CHST3: variants seen among roughly 807,000 people sequenced by gnomAD.
The protein encoded by CHST3 is C6ST-1.
A neutral mutation model predicts 35.4 loss-of-function variants in CHST3; 20 were observed. The observed-to-expected ratio is 0.57, with a 90% confidence interval of 0.40 to 0.82. CHST3 has a LOEUF of 0.82. Among genes scored for constraint, CHST3 ranks in the 40% least tolerant of loss-of-function variants. The pLI, the probability that CHST3 is intolerant of heterozygous loss-of-function variation, is 0.00. For missense variants in CHST3, 693 were observed against 670.1 expected (o/e 1.03, Z -0.38); for synonymous variants, 334 against 295.9 (o/e 1.13, Z -1.32).
At chr10:71,974,957 C>A (rs950787722) in intron 1 of CHST3, among the ~76,000 whole-genome samples, 43 of 152,220 alleles carry the variant, frequency 2.8e-4, no homozygotes, top group African/African-American at 6.3e-4. Context: ...AGAAGGGCTT[C>A]CATGCCAAGC....
chr10:72,012,275 T>C lies in CHST3; in HGVS notation c.*3804T>C, dbSNP rs570170171. The C allele has an allele frequency of 6.6e-6, 1 of 152,208 alleles. No individual in the cohort carries two copies. The highest frequency in any genetic ancestry group is 6.6e-5 in the Admixed American group (1 of 15,258). The allele number at this position is 152,208 out of a possible 1,614,324, so 9.4% of individuals were successfully genotyped here. Reference sequence around the variant, plus strand: ...CAGGAGGTCCTTCCCAGAAGGTTGATTCTTGGCCTGGGTGGTAGAGGAGAT... The same window carrying C: ...CAGGAGGTCCTTCCCAGAAGGTTGACTCTTGGCCTGGGTGGTAGAGGAGAT... On this transcript the variant is annotated 3_prime_UTR_variant, in exon 3 of 3. Coordinates refer to ENST00000373115, the MANE Select transcript of CHST3 (RefSeq NM_004273.5).
chr10:71,985,650 G>A (rs1157851177), intron 1 of CHST3, among the ~76,000 whole-genome samples: 1 of 152,164 alleles, frequency 6.6e-6, no homozygotes, highest in Non-Finnish European at 1.5e-5. Flanking sequence ...TGTTGTGGGA[G>A]CTAGTTTTCT....
intron 1 of CHST3, among the ~76,000 whole-genome samples, chr10:71,967,636 C>T (rs532624139): frequency 6.6e-6 from 1 of 152,236 alleles, no homozygotes; most frequent in African/African-American, 2.4e-5. Flanking sequence ...GATAAACATA[C>T]GTGTGCATGT....
intron 1 of CHST3, among the ~76,000 whole-genome samples, chr10:71,985,022 G>T (rs918485369): frequency 6.6e-6 from 1 of 152,164 alleles, no homozygotes; most frequent in Non-Finnish European, 1.5e-5. Flanking sequence ...CCTTCCTGCC[G>T]CAGAATTGCC....
intron 1 of CHST3, among the ~76,000 whole-genome samples, chr10:71,996,412 T>C (rs1274148449): frequency 6.9e-6 from 1 of 144,698 alleles, no homozygotes; most frequent in Non-Finnish European, 1.5e-5. Context: ...TCCCTCTCTC[T>C]GTCTCTCTAC....
At chr10:71,989,529 C>G (rs776537057) in intron 1 of CHST3, among the ~76,000 whole-genome samples, 5 of 152,190 alleles carry the variant, frequency 3.3e-5, no homozygotes, top group Non-Finnish European at 5.9e-5. Context: ...TTAGGTTCAT[C>G]ACAAAGCTGC....
At position 72,007,601 on chromosome 10, in the gene CHST3, C is replaced by A. The variant is rs367857089; in HGVS notation, c.570C>A (p.Asp190Glu). ...CGGGCTCGGCCCTGGTGTACCGCGA[C>A]GTGCTCAAGCAGCTCTTCCTGTGCG... ...NAAGSALVYR[D>E]VLKQLFLCDL... The change falls in exon 3 of 3, where the codon GAC becomes GAA. Residue 190 changes from aspartate to glutamate, a missense_variant. Physicochemically the swap from Asp to Glu is conservative, Grantham distance 45. Transcript: ENST00000373115. The A allele has an allele frequency of 1.2e-6, 2 of 1,609,904 alleles. No individual in the cohort carries two copies. The highest frequency in any genetic ancestry group is 2.2e-5 in the East Asian group (1 of 44,870).
intron 1 of CHST3, among the ~76,000 whole-genome samples, chr10:71,970,348 A>G (rs754711170): frequency 6.6e-6 from 1 of 152,148 alleles, no homozygotes; most frequent in Non-Finnish European, 1.5e-5. Flanking sequence ...AGAGGACTCT[A>G]TGAAAAGGAT....
chr10:71,967,975 A>ATTTTTTTTTTTTTTTTTTTTTTTTT (rs61420934), intron 1 of CHST3, among the ~76,000 whole-genome samples: 1 of 142,040 alleles, frequency 7.0e-6, no homozygotes, highest in Non-Finnish European at 1.5e-5. Flanking sequence ...TGCGTGGCTA[A>ATTTTTTTTTTTTTTTTTTTTTTTTT]TTTTTTTTTT....
chr10:71,969,905 C>T (rs926993759), intron 1 of CHST3, among the ~76,000 whole-genome samples: 10 of 152,330 alleles, frequency 6.6e-5, no homozygotes, highest in East Asian at 3.9e-4. Context: ...CTCTGGCTTT[C>T]GTGAGGTTAT....
Position 72,005,836 on chromosome 10 carries a change from T to G in CHST3, c.-7T>G. 1 of 1,614,186 alleles carries G rather than the reference T, an allele frequency of 6.2e-7. No individual in the cohort carries two copies. Reference sequence around the variant, plus strand: ...CCCGAGGAGCCCCCACGGCCCCACCTTTCCCCATGGAGAAAGGACTCACTT... The same window carrying G: ...CCCGAGGAGCCCCCACGGCCCCACCGTTCCCCATGGAGAAAGGACTCACTT... On this transcript the variant is annotated 5_prime_UTR_variant, in exon 2 of 3. Coordinates refer to ENST00000373115, the MANE Select transcript of CHST3 (RefSeq NM_004273.5).
At chr10:71,994,412 C>T (rs1839922680) in intron 1 of CHST3, among the ~76,000 whole-genome samples, 1 of 152,144 alleles carries the variant, frequency 6.6e-6, no homozygotes, top group African/African-American at 2.4e-5. Flanking sequence ...CTTGGGAGAC[C>T]AGGTGCATTG....
rs116999241 is a variant in CHST3 at position 72,009,572 on chromosome 10, T to G, written c.*1101T>G. On this transcript the variant is annotated 3_prime_UTR_variant, in exon 3 of 3. Transcript: ENST00000373115. ...AAAAGGCAGCTCACGGGGCCTTCCA[T>G]TTCCAGCCAGGCCTCATCTGGGGTA... 0.02 allele frequency: 3,040 copies of G among 152,332 alleles called. 45 individuals carry two copies. The highest frequency in any genetic ancestry group is 0.075 in the South Asian group (362 of 4,818). The allele number at this position is 152,332 out of a possible 1,614,324, so 9.4% of individuals were successfully genotyped here.
intron 1 of CHST3, among the ~76,000 whole-genome samples, chr10:71,970,848 G>A (rs775676688): frequency 3.3e-5 from 5 of 152,198 alleles, no homozygotes; most frequent in South Asian, 2.1e-4. Flanking sequence ...TCTCCAAGAC[G>A]GGGCCTACCT....
intron 1 of CHST3, among the ~76,000 whole-genome samples, chr10:71,970,626 C>G (rs184720708): frequency 6.6e-6 from 1 of 152,106 alleles, no homozygotes; most frequent in Admixed American, 6.5e-5. Context: ...AGAAGACGGC[C>G]GGGGGTCCCA....
chr10:72,001,775 G>A (rs1839995747), intron 1 of CHST3, among the ~76,000 whole-genome samples: 1 of 152,124 alleles, frequency 6.6e-6, no homozygotes, highest in Non-Finnish European at 1.5e-5. Flanking sequence ...CTGGCCGGAT[G>A]AAAGGTATTG....
intron 1 of CHST3, among the ~76,000 whole-genome samples, chr10:71,978,853 G>A (rs557530271): frequency 1.3e-5 from 2 of 152,286 alleles, no homozygotes; most frequent in East Asian, 3.9e-4. Flanking sequence ...CAGCTCTGTG[G>A]GCCAAGAGCA....
At position 71,969,603 on chromosome 10, in the gene CHST3, G is replaced by A. The variant is rs76926630; in HGVS notation, c.-108+4909G>A. 6.8e-3 allele frequency among the ~76,000 whole-genome samples: 1,043 copies of A among 152,350 alleles called. 13 individuals are homozygous for A. The highest frequency in any genetic ancestry group is 0.024 in the African/African-American group (999 of 41,578). ...TGGGTGAGTTCTTAGAGCCTTCCTA[G>A]TGCTGAGCTGCAAAGAAACTGGAGC... On this transcript the variant is annotated intron_variant, in intron 1 of 2. Transcript: ENST00000373115.
rs1248165389 is a variant in CHST3, at chr10:71,967,807, CTGTT to C, written c.-108+3115_-108+3118del. On this transcript the variant is annotated intron_variant, in intron 1 of 2. Transcript: ENST00000373115. The stretch of plus-strand genomic sequence containing the variant: ...TACCCATCAGCAGTGTATAAGCACT[CTGTT>C]TTTTGTTTTTTGTTTTTGGTGGGAG... Among the ~76,000 whole-genome samples the C allele has an allele frequency of 8.5e-5, 13 of 152,098 alleles. No individual in the cohort carries two copies. The South Asian group carries it at 2.3e-3, about 27-fold the overall frequency.
Sources: allele counts gnomAD v4.1 joint callset (sites outside exome capture counted in the v4.1 genomes callset), GRCh38; gene constraint gnomAD v4.1.1; transcripts MANE v1.5; gene names NCBI Gene and HGNC (gene_info 2026-07-23, HGNC 2026-07-21).